Variants in CLEC12A observed in about 807,000 individuals in gnomAD.
CLEC12A encodes C-type lectin protein CLL-1.
CLEC12A carries 22 observed loss-of-function variants against 26.5 expected under a neutral mutation model. That is an observed-to-expected ratio of 0.83 (90% CI 0.59 to 1.19). The LOEUF is 1.19. Ranked by LOEUF, CLEC12A falls within the 50% of genes most tolerant of loss-of-function variation. CLEC12A has a pLI of 0.00. For missense variants in CLEC12A, 353 were observed against 315.6 expected (o/e 1.12, Z -0.90); for synonymous variants, 119 against 101.9 (o/e 1.17, Z -1.01).
chr12:9,956,972 A>G (rs1276265028), intron 1 of CLEC12A, among the ~76,000 whole-genome samples: 1 of 140,942 alleles, frequency 7.1e-6, no homozygotes, highest in African/African-American at 2.7e-5. Context: ...ATAAGGAAAT[A>G]AAAACTAATT....
At chr12:9,963,015 A>G (rs1032498604) in intron 1 of CLEC12A, among the ~76,000 whole-genome samples, 2 of 152,222 alleles carry the variant, frequency 1.3e-5, no homozygotes, top group African/African-American at 4.8e-5. Flanking sequence ...ATTAAGCTGA[A>G]GGAAGATTTC....
intron 1 of CLEC12A, chr12:9,951,644 A>T: frequency 2.3e-6 from 1 of 431,374 alleles, no homozygotes; most frequent in South Asian, 2.6e-5. Context: ...GGAGAAAGCA[A>T]CTCAACTGTT....
In CLEC12A at chr12:9,971,593, A is replaced by C. The variant is rs777404060; in HGVS notation, c.-4A>C. The stretch of plus-strand genomic sequence containing the variant: ...TTTGTCAAGATTTCTTTACATATTC[A>C]TCAATGTCTGAAGAAGTTACTTATG... On this transcript the variant is annotated 5_prime_UTR_variant, in exon 1 of 6. Coordinates refer to ENST00000304361, the MANE Select transcript of CLEC12A (RefSeq NM_138337.6). 3 of 1,601,794 alleles carry C rather than the reference A, an allele frequency of 1.9e-6. No individual in the cohort carries two copies. The highest frequency in any genetic ancestry group is 4.5e-5 in the East Asian group (2 of 44,246).
chr12:9,992,510 G>A (rs1242638993), intron 4 of CLEC12A: 1 of 152,066 alleles, frequency 6.6e-6, no homozygotes, highest in East Asian at 1.9e-4. Flanking sequence ...AGTGAATGGG[G>A]AAGTCATAGT....
intron 4 of CLEC12A, among the ~76,000 whole-genome samples, chr12:9,994,108 T>C (rs544605): frequency 0.3 from 45,137 of 151,840 alleles, 7,104 homozygotes; most frequent in South Asian, 0.42. Flanking sequence ...TTAGTTTGGG[T>C]AGAGTTAGGT....
upstream of CLEC12A, among the ~76,000 whole-genome samples, chr12:9,969,912 C>T (rs1242874304): frequency 6.6e-6 from 1 of 152,180 alleles, no homozygotes; most frequent in Non-Finnish European, 1.5e-5. Flanking sequence ...AACCACTTTG[C>T]AACTCACTTC....
At chr12:9,995,430 C>T in exon 5 of CLEC12A, 1 of 584,956 alleles carries the variant, frequency 1.7e-6, no homozygotes, top group Admixed American at 2.5e-5. Flanking sequence ...TTAAAAAAAA[C>T]TTATAGGACA....
At chr12:9,979,228 A>C (rs2137179161) in intron 2 of CLEC12A, 108 bp from the exon 3 acceptor site, 1 of 988,516 alleles carries the variant, frequency 1.0e-6, no homozygotes, top group Non-Finnish European at 1.5e-6. Flanking sequence ...ACTCCTGTAG[A>C]GTAATTGCTT....
downstream of CLEC12A, among the ~76,000 whole-genome samples, chr12:9,988,910 A>T (rs1393468672): frequency 6.6e-6 from 1 of 152,196 alleles, no homozygotes; most frequent in East Asian, 1.9e-4. Context: ...AGACACATGC[A>T]CATGTATGTT....
chr12:9,996,848 C>G (rs1865061292), downstream of CLEC12A: 2 of 1,614,016 alleles, frequency 1.2e-6, no homozygotes, highest in South Asian at 1.1e-5. Flanking sequence ...CTTCTTACCA[C>G]AATGTTCCGG....
At chr12:9,985,897 G>A (rs1864753255), downstream of CLEC12A, 1 of 163,156 alleles carries the variant, frequency 6.1e-6, no homozygotes, top group Non-Finnish European at 1.4e-5. Context: ...AACTAAACTT[G>A]TTTTACCAGC....
chr12:9,968,198 G>T (rs1055115390), upstream of CLEC12A, among the ~76,000 whole-genome samples: 8 of 152,154 alleles, frequency 5.3e-5, no homozygotes, highest in Admixed American at 2.6e-4. Context: ...CTTTCTCATG[G>T]AATAAAGAGC....
Position 9,973,868 on chromosome 12 carries a change from C to A in CLEC12A, c.91+2181C>A, listed in dbSNP as rs1864231538. On this transcript the variant is annotated intron_variant, in intron 1 of 5. Coordinates refer to ENST00000304361, the MANE Select transcript of CLEC12A (RefSeq NM_138337.6). Reference sequence around the variant, plus strand: ...TTCTCTGCTTTTCCTTTTTGGTGCACCAACATACTCTACTACTCACCAATA... The same window carrying A: ...TTCTCTGCTTTTCCTTTTTGGTGCAACAACATACTCTACTACTCACCAATA... Among the ~76,000 whole-genome samples, 3 of 151,980 alleles carry A rather than the reference C, an allele frequency of 2.0e-5. No individual in the cohort carries two copies. The South Asian group carries it at 6.2e-4, about 32-fold the overall frequency.
chr12:9,990,618 A>G (rs1864870209), intron 4 of CLEC12A, among the ~76,000 whole-genome samples: 1 of 152,222 alleles, frequency 6.6e-6, no homozygotes, highest in South Asian at 2.1e-4. Flanking sequence ...CATGCTGTGA[A>G]CATTGTTGAA....
chr12:9,986,830 A>G (rs986122600), downstream of CLEC12A, among the ~76,000 whole-genome samples: 1 of 152,158 alleles, frequency 6.6e-6, no homozygotes, highest in African/African-American at 2.4e-5. Flanking sequence ...TTAATTAATT[A>G]ATTTAAAATG....
At chr12:9,960,054 A>T (rs1457845119) in intron 1 of CLEC12A, among the ~76,000 whole-genome samples, 2 of 152,214 alleles carry the variant, frequency 1.3e-5, no homozygotes, top group African/African-American at 2.4e-5. Context: ...CAGGCTGAAG[A>T]CTAGCTGCAA....
chr12:9,982,314 T>C (rs1274501867), intron 5 of CLEC12A, among the ~76,000 whole-genome samples, 185 bp downstream of exon 5: 2 of 152,168 alleles, frequency 1.3e-5, no homozygotes, highest in Non-Finnish European at 2.9e-5. Flanking sequence ...CTTCTCATAA[T>C]TTTGACAAGT....
intron 1 of CLEC12A, among the ~76,000 whole-genome samples, chr12:9,976,399 G>T (rs73048879): frequency 2.5e-4 from 38 of 152,324 alleles, no homozygotes; most frequent in Non-Finnish European, 5.0e-4. Context: ...GAGATATAGA[G>T]CCAAAGGAGA....
At chr12:9,975,939 G>A (rs1591827334) in intron 1 of CLEC12A, among the ~76,000 whole-genome samples, 1 of 152,210 alleles carries the variant, frequency 6.6e-6, no homozygotes, top group East Asian at 1.9e-4. Flanking sequence ...GCTTCGGAGA[G>A]GGTGCAAACC....
Sources: allele counts gnomAD v4.1 joint callset (sites outside exome capture counted in the v4.1 genomes callset), GRCh38; gene constraint gnomAD v4.1.1; transcripts MANE v1.5; gene names NCBI Gene and HGNC (gene_info 2026-07-23, HGNC 2026-07-21).